The following EFCAB10 variants were observed in gnomAD, a reference collection of about 807,000 sequenced individuals.
The protein encoded by EFCAB10 is EF-hand calcium binding domain 10, also known as EF-hand calcium-binding domain-containing protein 10.
EFCAB10 carries 7 observed loss-of-function variants against 7.7 expected under a neutral mutation model. The observed-to-expected ratio is 0.91, with a 90% CI of 0.52 to 1.72. The LOEUF (loss-of-function observed/expected upper bound fraction) is 1.72, where lower values mean the gene tolerates loss of function less well. Ranked by LOEUF, EFCAB10 falls within the 40% of genes most tolerant of loss-of-function variation. EFCAB10 has a pLI of 0.00. For missense variants in EFCAB10, 112 were observed against 61.5 expected (o/e 1.82, Z -2.74); for synonymous variants, 52 against 21.0 (o/e 2.47, Z -4.03).
chr7:105,567,763 G>A (rs1470661256), intron 3 of EFCAB10: 1 of 362,860 alleles, frequency 2.8e-6, no homozygotes, highest in Non-Finnish European at 5.0e-6. Flanking sequence ...AGGGCACAGT[G>A]TCTCATGCCT....
At position 105,567,153 on chromosome 7, in the gene EFCAB10, G is replaced by T. The variant is rs749732262; in HGVS notation, c.383+314C>A. ...AGCCTGTATTGTTTTGAATTTGAAC[G>T]TCGGTTCTGCACTACTGCTGAAAGA... On this transcript the variant is annotated intron_variant, in intron 4 of 4. Coordinates refer to ENST00000480514, the MANE Select transcript of EFCAB10 (RefSeq NM_001355526.2). 1.9e-6 allele frequency: 3 copies of T among 1,584,738 alleles called. No individual in the cohort carries two copies. Among genetic ancestry groups the T allele is most frequent in the Non-Finnish European group, 2.6e-6 (3 of 1,169,754 alleles).
chr7:105,568,953 G>GAA (rs55730992), intron 3 of EFCAB10, among the ~76,000 whole-genome samples: 30 of 121,752 alleles, frequency 2.5e-4, no homozygotes, highest in Non-Finnish European at 1.4e-4. Context: ...CCATCTCAGG[G>GAA]AAAAAAAAAA....
chr7:105,579,056 C>T (rs1259376214), intron 1 of EFCAB10, among the ~76,000 whole-genome samples: 1 of 152,142 alleles, frequency 6.6e-6, no homozygotes, highest in African/African-American at 2.4e-5. Context: ...GTGTGAGCCT[C>T]CGTGCACAGC....
In EFCAB10 at chr7:105,565,574, G is replaced by A. The variant is rs770541803; in HGVS notation, c.*-127C>T. On this transcript the variant is annotated intron_variant, in intron 4 of 4. Transcript: ENST00000480514. ...TCAATGAAGGAGGAGCAGCCCAGCT[G>A]CAGTTTGATATGACTCGGAATCTTT... The A allele has an allele frequency of 6.2e-7, 1 of 1,614,006 alleles. No individual in the cohort carries two copies. Among genetic ancestry groups the A allele is most frequent in the East Asian group, 2.2e-5 (1 of 44,876 alleles).
In EFCAB10 at chr7:105,579,204, A is replaced by G. The variant is rs541037469; in HGVS notation, c.106+2154T>C. On this transcript the variant is annotated intron_variant, in intron 1 of 4. Transcript: ENST00000480514. Reference sequence around the variant, plus strand: ...CTCCACCAGAAGAAAGCGGTAAAGCAAGAATGAGGGATTACTGGCTGTGCC... The same window carrying G: ...CTCCACCAGAAGAAAGCGGTAAAGCGAGAATGAGGGATTACTGGCTGTGCC... Among the ~76,000 whole-genome samples, 6 of 152,330 alleles carry G rather than the reference A, an allele frequency of 3.9e-5. No individual in the cohort carries two copies. In the East Asian group the frequency reaches 1.2e-3, roughly 29 times the overall value.
rs1019339588 is a variant in EFCAB10, at chr7:105,581,398, C to T, written c.66G>A (p.Val22=). Residue 22 remains valine, a synonymous_variant, in exon 1 of 5, where the codon GTG becomes GTA. Coordinates refer to ENST00000480514, the MANE Select transcript of EFCAB10 (RefSeq NM_001355526.2). ...GGAGGGCGCTGGTGAGGTAGCTAAC[C>T]ACCTCCTTGATCTGATGCTTTTCCA... ...EYLEKHQIKE[V]VSYLTSALLF... 1.3e-5 allele frequency: 9 copies of T among 702,914 alleles called. No individual in the cohort carries two copies. Among genetic ancestry groups the T allele is most frequent in the Non-Finnish European group, 2.3e-5 (9 of 384,986 alleles). The allele number at this position is 702,914 out of a possible 1,614,324, so 43.5% of individuals were successfully genotyped here.
At chr7:105,566,949 A>G (rs1274821063) in intron 4 of EFCAB10, 10 of 408,698 alleles carry the variant, frequency 2.4e-5, no homozygotes, top group African/African-American at 1.9e-4. Flanking sequence ...GCAACTCTGC[A>G]CCTGTGTAGT....
chr7:105,569,007 C>A (rs751082101), intron 3 of EFCAB10, among the ~76,000 whole-genome samples, 196 bp downstream of exon 3: 1 of 151,956 alleles, frequency 6.6e-6, no homozygotes, highest in Non-Finnish European at 1.5e-5. Flanking sequence ...CTCTCTAACC[C>A]CAGCATTTTC....
In EFCAB10 at chr7:105,569,449, A is replaced by T. The variant is rs1791879625; in HGVS notation, c.229T>A (p.Ser77Thr). The change falls in exon 2 of 5, where the codon TCC becomes ACC. Residue 77 changes from serine (S) to threonine (T), a missense_variant. By Grantham distance (58) the Ser-to-Thr change is moderately conservative. Transcript: ENST00000480514. The part of the protein sequence containing the change: ...NIVAMFEMMD[S>T]SGRGTISFVQ... ...AATGATATGGTGCCTCTGCCTGAGG[A>T]GTCCATCATCTCAAACATAGCCACA... The T allele has an allele frequency of 1.4e-6, 1 of 703,024 alleles. No homozygotes were observed. The highest frequency in any genetic ancestry group is 1.5e-5 in the South Asian group (1 of 67,576). The allele number at this position is 703,024 out of a possible 1,614,324, so 43.5% of individuals were successfully genotyped here. A position where few individuals can be genotyped will look rare whatever the true frequency, so the allele number is the denominator to read the frequency against.
intron 2 of EFCAB10, 51 bp from the exon 3 acceptor site, chr7:105,569,341 A>G: frequency 1.3e-5 from 9 of 694,264 alleles, no homozygotes; most frequent in East Asian, 2.7e-5. Context: ...AGTGAGAAGT[A>G]TTTTCTGCTA....
intron 1 of EFCAB10, among the ~76,000 whole-genome samples, chr7:105,577,828 C>T (rs541568188): frequency 8.8e-4 from 134 of 152,120 alleles, no homozygotes; most frequent in African/African-American, 3.2e-3. Flanking sequence ...AAGCGATTCT[C>T]CTGTCTCAGC....
chr7:105,568,312 TA>T (rs1441364417), intron 3 of EFCAB10, among the ~76,000 whole-genome samples: 1 of 152,214 alleles, frequency 6.6e-6, no homozygotes, highest in Non-Finnish European at 1.5e-5. Context: ...AATCTCAGAG[TA>T]AAACTCTTTA....
In EFCAB10 at chr7:105,569,739, A is replaced by G. The variant is rs567442576; in HGVS notation, c.107-168T>C. On this transcript the variant is annotated intron_variant, in intron 1 of 4. Coordinates refer to ENST00000480514, the MANE Select transcript of EFCAB10 (RefSeq NM_001355526.2). ...GTCCAGCAAGAAGGTAAGACATTGAACACTTAAATAATTACATATACAAAT... is the reference window on the plus strand; with the variant it reads ...GTCCAGCAAGAAGGTAAGACATTGAGCACTTAAATAATTACATATACAAAT... Among the ~76,000 whole-genome samples, 31 of 152,276 alleles carry G rather than the reference A, an allele frequency of 2.0e-4. 1 individual carries two copies. The South Asian group carries it at 6.2e-3, about 31-fold the overall frequency.
chr7:105,569,636 C>T (rs1274683984), intron 1 of EFCAB10, 65 bp from the exon 2 acceptor site: 3 of 658,754 alleles, frequency 4.6e-6, no homozygotes, highest in African/African-American at 1.8e-5. Context: ...TAGAAGTAGT[C>T]ATTTAACAAT....
rs891712747 is a variant in EFCAB10 at position 105,569,122 on chromosome 7, G to A, written c.359+81C>T. 4.4e-6 allele frequency: 3 copies of A among 674,600 alleles called. No individual in the cohort carries two copies. The African/African-American group carries it at 5.4e-5, about 12-fold the overall frequency. 41.8% of individuals were successfully genotyped at this position (674,600 alleles called of 1,614,324 possible). ...AACAAAATATTTCTTTCAAAAGATA[G>A]GAACCTGTTTTAAAGGTATTAATTG... On this transcript the variant is annotated intron_variant, in intron 3 of 4. Transcript: ENST00000480514.
At chr7:105,570,233 AAAAAAAAATATATATAT>A (rs1348577349) in intron 1 of EFCAB10, among the ~76,000 whole-genome samples, 1 of 63,896 alleles carries the variant, frequency 1.6e-5, no homozygotes, top group Admixed American at 2.0e-4. Context: ...AAAAAAAAAA[AAAAAAAAATATATATAT>A]ATATATATAT....
At chr7:105,577,198 C>T (rs1344683540) in intron 1 of EFCAB10, among the ~76,000 whole-genome samples, 2 of 152,146 alleles carry the variant, frequency 1.3e-5, no homozygotes, top group East Asian at 1.9e-4. Context: ...AGGTTCTTTT[C>T]CCCCCATAAT....
At chr7:105,576,712 G>A (rs1041477855) in intron 1 of EFCAB10, among the ~76,000 whole-genome samples, 1 of 152,062 alleles carries the variant, frequency 6.6e-6, no homozygotes, top group African/African-American at 2.4e-5. Context: ...CCAAAGTGCT[G>A]GGATTACAGG....
At position 105,569,645 on chromosome 7, in the gene EFCAB10, A is replaced by G; in HGVS notation, c.107-74T>C. On this transcript the variant is annotated intron_variant, in intron 1 of 4. Coordinates refer to ENST00000480514, the MANE Select transcript of EFCAB10 (RefSeq NM_001355526.2). ...CGCAAATAGAAGTAGTCATTTAACA[A>G]TTATTAAACAGCTATAGCAAAGGCA... 4.6e-6 allele frequency: 3 copies of G among 650,864 alleles called. No individual in the cohort carries two copies. In the Admixed American group the frequency reaches 7.2e-5, roughly 16 times the overall value. 40.3% of individuals were successfully genotyped at this position (650,864 alleles called of 1,614,324 possible).
Sources: gnomAD v4.1 joint callset for allele counts (sites outside exome capture counted in the v4.1 genomes callset) on GRCh38, gnomAD v4.1.1 for gene constraint, MANE v1.5 for transcripts, NCBI Gene and HGNC (gene_info 2026-07-23, HGNC 2026-07-21) for gene names.